The following PRKCA variants were observed in gnomAD, a reference collection of about 807,000 sequenced individuals.
PRKCA encodes protein kinase C alpha.
A neutral mutation model predicts 87.0 loss-of-function variants in PRKCA; 27 were observed. The observed-to-expected ratio is 0.31, with a 90% CI of 0.23 to 0.43. The LOEUF (loss-of-function observed/expected upper bound fraction) is 0.43, where lower values mean the gene tolerates loss of function less well. PRKCA is among the 20% of genes least tolerant of loss of function. The probability of loss-of-function intolerance (pLI) is 1.00; values close to 1 mark genes in which losing one functional copy is unlikely to be tolerated. For synonymous variants in PRKCA, 329 were observed against 311.1 expected, an observed-to-expected ratio of 1.06 and a Z score of -0.61; for missense variants, 518 against 852.3, an observed-to-expected ratio of 0.61 and a Z score of 4.88.
Position 66,542,331 on chromosome 17 carries a change from G to A in PRKCA, c.288+46048G>A, listed in dbSNP as rs577528505. Among the ~76,000 whole-genome samples the A allele has an allele frequency of 2.6e-5, 4 of 152,148 alleles. No individual in the cohort carries two copies. The South Asian group carries it at 8.3e-4, about 32-fold the overall frequency. ...TGTGGACATACAGTGGTGCTACTTGGCCTTAAGAGCTTCCTGTGTGTGGTT... is the reference window on the plus strand; with the variant it reads ...TGTGGACATACAGTGGTGCTACTTGACCTTAAGAGCTTCCTGTGTGTGGTT... On this transcript the variant is annotated intron_variant, in intron 3 of 16. Transcript: ENST00000413366.
At chr17:66,407,980 G>A (rs1266329692) in intron 2 of PRKCA, among the ~76,000 whole-genome samples, 1 of 152,166 alleles carries the variant, frequency 6.6e-6, no homozygotes, top group Non-Finnish European at 1.5e-5. Flanking sequence ...GAAATAGGTT[G>A]GGTAAGGATT....
At chr17:66,616,759 T>C (rs1209126213) in intron 3 of PRKCA, among the ~76,000 whole-genome samples, 1 of 152,186 alleles carries the variant, frequency 6.6e-6, no homozygotes, top group African/African-American at 2.4e-5. Flanking sequence ...CCATAAGCCT[T>C]TGTTCCAGAG....
At chr17:66,736,654 AAG>A (rs1342940544) in intron 10 of PRKCA, among the ~76,000 whole-genome samples, 1 of 152,218 alleles carries the variant, frequency 6.6e-6, no homozygotes, top group Non-Finnish European at 1.5e-5. Context: ...GATTTTGTAA[AAG>A]AGCATGTTCT....
intron 8 of PRKCA, among the ~76,000 whole-genome samples, chr17:66,731,071 G>T (rs190916732): frequency 6.6e-6 from 1 of 152,048 alleles, no homozygotes; most frequent in Non-Finnish European, 1.5e-5. Context: ...TTAAGAATGG[G>T]CAGGCGTGGT....
chr17:66,482,104 A>AAG (rs1915807015), intron 2 of PRKCA, among the ~76,000 whole-genome samples: 1 of 150,664 alleles, frequency 6.6e-6, no homozygotes, highest in South Asian at 2.1e-4. Context: ...GTCTCAAAAA[A>AAG]AAAAAAAAAA....
chr17:66,746,198 CTG>C (rs994685261), intron 13 of PRKCA, among the ~76,000 whole-genome samples: 5 of 111,768 alleles, frequency 4.5e-5, no homozygotes, highest in African/African-American at 1.1e-4. Flanking sequence ...GAGCCTCACT[CTG>C]TTGCCCAGGC....
At chr17:66,688,929 C>A in intron 7 of PRKCA, 22 bp from the exon 8 acceptor site, 1 of 1,509,332 alleles carries the variant, frequency 6.6e-7, no homozygotes, top group East Asian at 2.3e-5. Context: ...GGTGGTAACT[C>A]TTCTTCTCCC....
At chr17:66,313,244 A>G (rs953150063) in intron 2 of PRKCA, among the ~76,000 whole-genome samples, 17 of 152,192 alleles carry the variant, frequency 1.1e-4, no homozygotes, top group African/African-American at 3.9e-4. Context: ...CATAACCAGA[A>G]AGATCACAGT....
chr17:66,443,904 C>T (rs1221283321), intron 2 of PRKCA, among the ~76,000 whole-genome samples: 1 of 152,132 alleles, frequency 6.6e-6, no homozygotes, highest in Non-Finnish European at 1.5e-5. Context: ...TGAGCACAGA[C>T]TTAACCCAGA....
At chr17:66,487,358 T>C (rs1916027589) in intron 2 of PRKCA, among the ~76,000 whole-genome samples, 1 of 152,232 alleles carries the variant, frequency 6.6e-6, no homozygotes, top group South Asian at 2.1e-4. Context: ...GATTTCATTC[T>C]TTTTTATGGT....
intron 8 of PRKCA, among the ~76,000 whole-genome samples, chr17:66,720,610 T>G (rs1973591051): frequency 6.6e-6 from 1 of 152,224 alleles, no homozygotes; most frequent in Non-Finnish European, 1.5e-5. Flanking sequence ...TGGGCATCCT[T>G]GGTTATATAT....
rs185403513 is a variant in PRKCA at position 66,461,740 on chromosome 17, C to A, written c.206-34461C>A. On this transcript the variant is annotated intron_variant, in intron 2 of 16. Transcript: ENST00000413366. ...TATTATGATAGCAGATACTTGAGAA[C>A]CTTCTTGGCATAGAGGCATTCTGTG... Among the ~76,000 whole-genome samples, 9 of 152,266 alleles carry A rather than the reference C, an allele frequency of 5.9e-5. No homozygotes were observed. The East Asian group carries it at 1.4e-3, about 23-fold the overall frequency.
At chr17:66,420,982 A>G (rs1158249136) in intron 2 of PRKCA, among the ~76,000 whole-genome samples, 1 of 152,202 alleles carries the variant, frequency 6.6e-6, no homozygotes, top group South Asian at 2.1e-4. Context: ...ATAATGCATT[A>G]TTGTTATGCT....
intron 3 of PRKCA, among the ~76,000 whole-genome samples, chr17:66,575,345 G>A (rs1022587173): frequency 3.3e-5 from 5 of 152,098 alleles, no homozygotes; most frequent in African/African-American, 9.7e-5. Context: ...TTGGGAGGCC[G>A]CGGTGGGCGG....
At chr17:66,682,475 A>G (rs1039878901) in intron 5 of PRKCA, among the ~76,000 whole-genome samples, 3 of 152,270 alleles carry the variant, frequency 2.0e-5, no homozygotes, top group African/African-American at 7.2e-5. Flanking sequence ...AGAACTGCTA[A>G]TGAGCTGCAA....
At chr17:66,408,072 T>A (rs1286612861) in intron 2 of PRKCA, among the ~76,000 whole-genome samples, 1 of 152,210 alleles carries the variant, frequency 6.6e-6, no homozygotes, top group Non-Finnish European at 1.5e-5. Flanking sequence ...AAATTGGCAT[T>A]GACACTAATT....
intron 2 of PRKCA, among the ~76,000 whole-genome samples, chr17:66,348,561 C>A (rs1907548582): frequency 6.6e-6 from 1 of 152,216 alleles, no homozygotes; most frequent in Non-Finnish European, 1.5e-5. Context: ...AGAAACATCA[C>A]ATTAAAATTC....
intron 2 of PRKCA, among the ~76,000 whole-genome samples, chr17:66,426,259 G>A (rs913578884): frequency 6.6e-6 from 1 of 152,100 alleles, no homozygotes; most frequent in Non-Finnish European, 1.5e-5. Context: ...GGGAAGGAAA[G>A]GTTGGCAAGA....
intron 2 of PRKCA, among the ~76,000 whole-genome samples, chr17:66,377,555 CCTATATTACATATATAATAT>C: frequency 6.9e-6 from 1 of 144,702 alleles, no homozygotes; most frequent in Admixed American, 7.0e-5. Context: ...ATATATAATG[CCTATATTACATATATAATAT>C]CTATATTACA....
Sources: gnomAD v4.1 joint callset for allele counts (sites outside exome capture counted in the v4.1 genomes callset) on GRCh38, gnomAD v4.1.1 for gene constraint, MANE v1.5 for transcripts, NCBI Gene and HGNC (gene_info 2026-07-23, HGNC 2026-07-21) for gene names.